Variants in PCSK5 observed in about 807,000 individuals in gnomAD.
PCSK5 encodes the protein proprotein convertase subtilisin/kexin type 5, also known as prohormone convertase 5.
PCSK5 carries 129 observed loss-of-function variants against 233.2 expected under a neutral mutation model. The ratio of observed to expected loss-of-function variants is 0.55; its 90% confidence interval spans 0.48 to 0.64. The LOEUF (loss-of-function observed/expected upper bound fraction) is 0.64. Ranked by LOEUF, PCSK5 falls within the 30% of genes least tolerant of loss-of-function variation. The probability of loss-of-function intolerance (pLI) is 0.00; values close to 1 mark genes in which losing one functional copy is unlikely to be tolerated. For synonymous variants in PCSK5, 825 were observed against 879.2 expected, an observed-to-expected ratio of 0.94 and a Z score of 1.09; for missense variants, 2,076 against 2,430.1, an observed-to-expected ratio of 0.85 and a Z score of 3.06.
chr9:76,089,946 GA>G (rs954420868), intron 7 of PCSK5, among the ~76,000 whole-genome samples: 38 of 151,816 alleles, frequency 2.5e-4, no homozygotes, highest in African/African-American at 7.5e-4. Context: ...GCATTCTTGA[GA>G]AAAAAAATGT....
intron 24 of PCSK5, among the ~76,000 whole-genome samples, chr9:76,269,470 G>A (rs1484857612): frequency 6.6e-6 from 1 of 152,158 alleles, no homozygotes; most frequent in Non-Finnish European, 1.5e-5. Context: ...AATTGAGATG[G>A]ATTGTTGACT....
intron 14 of PCSK5, among the ~76,000 whole-genome samples, chr9:76,177,803 C>A (rs1261373165): frequency 2.6e-5 from 4 of 152,078 alleles, no homozygotes. Context: ...TGTGAGAGAA[C>A]CAAGACTATT....
At chr9:75,926,083 C>T (rs1476962002) in intron 1 of PCSK5, among the ~76,000 whole-genome samples, 1 of 152,144 alleles carries the variant, frequency 6.6e-6, no homozygotes, top group Non-Finnish European at 1.5e-5. Flanking sequence ...GGACACATTC[C>T]AGCTCCACAT....
intron 5 of PCSK5, among the ~76,000 whole-genome samples, chr9:76,047,724 A>C (rs1038470676): frequency 6.6e-6 from 1 of 152,154 alleles, no homozygotes; most frequent in African/African-American, 2.4e-5. Flanking sequence ...TGAGGAGAAA[A>C]CATTAAAAAT....
intron 12 of PCSK5, among the ~76,000 whole-genome samples, chr9:76,168,420 T>C (rs1441153595): frequency 1.3e-5 from 2 of 152,216 alleles, no homozygotes; most frequent in Non-Finnish European, 2.9e-5. Flanking sequence ...AGTGCTGGGA[T>C]TACAGGCATG....
intron 3 of PCSK5, among the ~76,000 whole-genome samples, chr9:75,987,368 T>G (rs534062552): frequency 1.4e-4 from 22 of 152,318 alleles, no homozygotes; most frequent in African/African-American, 5.3e-4. Context: ...CATGGCACTT[T>G]ACACTGTAGT....
chr9:75,991,862 T>G (rs1193320224), intron 3 of PCSK5, among the ~76,000 whole-genome samples: 3 of 152,122 alleles, frequency 2.0e-5, no homozygotes, highest in Admixed American at 2.0e-4. Context: ...TTTTAAAAAT[T>G]ATAAAATGTT....
intron 24 of PCSK5, among the ~76,000 whole-genome samples, chr9:76,266,812 C>T (rs888929466): frequency 2.6e-5 from 4 of 152,182 alleles, no homozygotes; most frequent in Admixed American, 6.5e-5. Context: ...GGAAACAATG[C>T]TGAGCATTGT....
At chr9:76,296,571 A>G (rs1403476604) in intron 26 of PCSK5, 94 bp from the exon 27 acceptor site, 1 of 743,640 alleles carries the variant, frequency 1.3e-6, no homozygotes, top group East Asian at 2.7e-5. Context: ...AAATGCAAAG[A>G]AAAATGTCCC....
At chr9:76,094,600 T>C (rs4745499) in intron 7 of PCSK5, among the ~76,000 whole-genome samples, 14,749 of 152,174 alleles carry the variant, frequency 0.097, 1,071 homozygotes, top group East Asian at 0.36. Flanking sequence ...TTGAGGACTT[T>C]AAGAAAGTCA....
intron 1 of PCSK5, among the ~76,000 whole-genome samples, chr9:75,923,218 G>T (rs2131261117): frequency 6.6e-6 from 1 of 152,254 alleles, no homozygotes; most frequent in South Asian, 2.1e-4. Context: ...ACTTCTTTTA[G>T]GTTTAGAGTC....
At chr9:76,218,909 C>T (rs935059623) in intron 20 of PCSK5, among the ~76,000 whole-genome samples, 3 of 152,190 alleles carry the variant, frequency 2.0e-5, no homozygotes, top group African/African-American at 7.2e-5. Context: ...ACAATTTGGT[C>T]ACTCCCAATA....
intron 24 of PCSK5, among the ~76,000 whole-genome samples, chr9:76,255,925 T>C (rs1286451732): frequency 6.6e-6 from 1 of 152,202 alleles, no homozygotes; most frequent in Non-Finnish European, 1.5e-5. Flanking sequence ...GTTACACAGC[T>C]AGCAAGTGTT....
chr9:76,153,749 C>G (rs1385633716), intron 10 of PCSK5, among the ~76,000 whole-genome samples: 1 of 152,118 alleles, frequency 6.6e-6, no homozygotes, highest in Non-Finnish European at 1.5e-5. Flanking sequence ...CTTACAATTC[C>G]CTGGTAAACG....
At chr9:76,262,666 C>T (rs374564419) in intron 24 of PCSK5, among the ~76,000 whole-genome samples, 6 of 150,206 alleles carry the variant, frequency 4.0e-5, no homozygotes, top group Admixed American at 6.6e-5. Flanking sequence ...CCTAAAACCA[C>T]AAAAACCCTA....
chr9:76,189,798 C>T (rs536366059), intron 20 of PCSK5, 52 bp downstream of exon 20: 2 of 650,568 alleles, frequency 3.1e-6, no homozygotes, highest in Non-Finnish European at 5.4e-6. Flanking sequence ...GATCTTTCTA[C>T]TTTCAGGACT....
chr9:76,351,311 A>G (rs1830115519), intron 36 of PCSK5, among the ~76,000 whole-genome samples: 1 of 151,930 alleles, frequency 6.6e-6, no homozygotes, highest in African/African-American at 2.4e-5. Flanking sequence ...TAACATAGGA[A>G]CCACACAGCT....
At chr9:76,230,901 T>C (rs1170700822) in intron 21 of PCSK5, among the ~76,000 whole-genome samples, 1 of 152,118 alleles carries the variant, frequency 6.6e-6, no homozygotes, top group Non-Finnish European at 1.5e-5. Flanking sequence ...AATTATTTCA[T>C]TATATATCAC....
intron 2 of PCSK5, among the ~76,000 whole-genome samples, chr9:75,956,268 G>C (rs868237954): frequency 3.9e-5 from 6 of 152,170 alleles, no homozygotes; most frequent in African/African-American, 1.4e-4. Context: ...TACTAAGCTT[G>C]TCACTCTTTT....
Sources: allele counts gnomAD v4.1 joint callset (sites outside exome capture counted in the v4.1 genomes callset), GRCh38; gene constraint gnomAD v4.1.1; transcripts MANE v1.5; gene names NCBI Gene and HGNC (gene_info 2026-07-23, HGNC 2026-07-21).